Variants in PAK3 observed in about 807,000 individuals in gnomAD.
PAK3 encodes the protein p21 (RAC1) activated kinase 3.
Under a neutral mutation model 41.0 loss-of-function variants are expected in PAK3, and 4 were observed. That is an observed-to-expected ratio of 0.10 (90% confidence interval 0.05 to 0.22). The LOEUF (loss-of-function observed/expected upper bound fraction) is 0.22. Ranked by LOEUF, PAK3 falls within the 10% of genes least tolerant of loss-of-function variation. PAK3 has a pLI of 1.00. For missense variants in PAK3, 205 were observed against 409.9 expected (o/e 0.50, Z 4.32); for synonymous variants, 146 against 139.6 (o/e 1.05, Z -0.32).
At chrX:111,146,990 C>T in intron 6 of PAK3, among the ~76,000 whole-genome samples, 1 of 111,499 alleles carries the variant, frequency 9.0e-6, no homozygotes, top group Middle Eastern at 4.6e-3. Flanking sequence ...TATCACAAGG[C>T]TTTGTCGTGG....
At chrX:111,184,516 C>T (rs927245963) in intron 11 of PAK3, among the ~76,000 whole-genome samples, 2 of 109,653 alleles carry the variant, frequency 1.8e-5, no homozygotes, top group African/African-American at 6.7e-5. Context: ...CCATCATCTA[C>T]GTTAGGTATT....
chrX:110,950,753 C>G (rs2090727672), intron 1 of PAK3, among the ~76,000 whole-genome samples: 1 of 111,812 alleles, frequency 8.9e-6, no homozygotes, highest in Admixed American at 9.5e-5. Flanking sequence ...AATATTGGTG[C>G]AATGTACCTT....
At chrX:111,138,633 C>T (rs1246864408) in intron 5 of PAK3, among the ~76,000 whole-genome samples, 2 of 110,776 alleles carry the variant, frequency 1.8e-5, no homozygotes, top group African/African-American at 6.6e-5. Context: ...ACTTTCCAGG[C>T]ATAGGTATAG....
At chrX:111,050,357 A>G (rs746241016) in intron 1 of PAK3, among the ~76,000 whole-genome samples, 121 of 111,931 alleles carry the variant, frequency 1.1e-3, no homozygotes, top group Non-Finnish European at 1.1e-3. Context: ...CTTTTGGGGG[A>G]AAAAGCCTAG....
At chrX:111,113,642 A>C (rs1440402273) in intron 4 of PAK3, among the ~76,000 whole-genome samples, 1 of 111,545 alleles carries the variant, frequency 9.0e-6, no homozygotes. Context: ...ATTATACTTT[A>C]AGTTCTAGGG....
chrX:111,195,262 A>T (rs916417722), intron 14 of PAK3, among the ~76,000 whole-genome samples: 4 of 103,962 alleles, frequency 3.8e-5, no homozygotes, highest in South Asian at 7.7e-4. Context: ...TCCACCAAAC[A>T]TATATGTTTT....
At chrX:111,019,544 A>AC (rs1292022990) in intron 1 of PAK3, among the ~76,000 whole-genome samples, 1 of 106,055 alleles carries the variant, frequency 9.4e-6, no homozygotes, top group Non-Finnish European at 1.9e-5. Flanking sequence ...AAAAAAAAAA[A>AC]AAATTAGCCT....
chrX:111,012,334 A>G (rs942124352), intron 1 of PAK3, among the ~76,000 whole-genome samples: 2 of 111,940 alleles, frequency 1.8e-5, no homozygotes, highest in Admixed American at 1.9e-4. Context: ...ACGGTTGTAA[A>G]GAGTGGGCAT....
At chrX:111,009,993 A>C (rs763182516) in intron 1 of PAK3, among the ~76,000 whole-genome samples, 1 of 111,759 alleles carries the variant, frequency 8.9e-6, no homozygotes, top group South Asian at 3.8e-4. Context: ...TAACAGAAAA[A>C]AAAATATTCA....
intron 1 of PAK3, among the ~76,000 whole-genome samples, chrX:111,023,402 T>C (rs2092220122): frequency 8.9e-6 from 1 of 112,356 alleles, no homozygotes; most frequent in Non-Finnish European, 1.9e-5. Context: ...TTTGGGTATA[T>C]ACCCAGTAAT....
chrX:110,982,656 T>C (rs765606260), intron 1 of PAK3, among the ~76,000 whole-genome samples: 1 of 111,977 alleles, frequency 8.9e-6, no homozygotes, highest in Admixed American at 9.5e-5. Flanking sequence ...GACCATAGCA[T>C]GGCATCTTTT....
intron 1 of PAK3, among the ~76,000 whole-genome samples, chrX:111,031,405 A>G (rs775716972): frequency 8.3e-4 from 93 of 111,920 alleles, no homozygotes; most frequent in Non-Finnish European, 1.5e-3. Flanking sequence ...CTTTGAGCAG[A>G]AAACAGAAGC....
At chrX:111,180,682 A>G (rs2094453959) in intron 11 of PAK3, among the ~76,000 whole-genome samples, 1 of 111,564 alleles carries the variant, frequency 9.0e-6, no homozygotes, top group Non-Finnish European at 1.9e-5. Context: ...GTAACATACT[A>G]TATATCTCCT....
At chrX:111,031,103 C>T (rs1156864997) in intron 1 of PAK3, among the ~76,000 whole-genome samples, 2 of 112,205 alleles carry the variant, frequency 1.8e-5, no homozygotes, top group Middle Eastern at 4.7e-3. Context: ...CATATATATG[C>T]AAAACATATA....
chrX:111,030,583 A>G (rs1263705817), intron 1 of PAK3, among the ~76,000 whole-genome samples: 1 of 111,411 alleles, frequency 9.0e-6, no homozygotes, highest in Non-Finnish European at 1.9e-5. Flanking sequence ...GGATGGATGA[A>G]GGGATGTTGA....
intron 1 of PAK3, among the ~76,000 whole-genome samples, chrX:111,031,240 G>C (rs929833675): frequency 1.8e-5 from 2 of 111,813 alleles, no homozygotes; most frequent in African/African-American, 6.5e-5. Flanking sequence ...ATTGGAAGTA[G>C]GTAGAGAGAG....
intron 1 of PAK3, among the ~76,000 whole-genome samples, chrX:111,074,774 T>C (rs1288145113): frequency 8.9e-6 from 1 of 111,941 alleles, no homozygotes; most frequent in Non-Finnish European, 1.9e-5. Context: ...CATTAAATGG[T>C]TGTGACCAAA....
chrX:110,959,990 C>T (rs1194213743), intron 1 of PAK3, among the ~76,000 whole-genome samples: 3 of 112,055 alleles, frequency 2.7e-5, no homozygotes, highest in South Asian at 3.7e-4. Context: ...CTTTTGTCAA[C>T]TCTTGTCTTC....
In PAK3 at chrX:111,194,897, C is replaced by T. The variant is rs182491809; in HGVS notation, c.1110+479C>T. On this transcript the variant is annotated intron_variant, in intron 14 of 17. Transcript: ENST00000372007. ...CTTTCACAGTACAATCTGAACTTCC[C>T]TTACAGCCCCCAAGTGGGCCTGACG... Among the ~76,000 whole-genome samples the T allele has an allele frequency of 6.1e-3, 683 of 112,506 alleles. 9 individuals carry two copies. The highest frequency in any genetic ancestry group is 0.02 in the African/African-American group (635 of 31,016).
Sources: allele counts gnomAD v4.1 joint callset (sites outside exome capture counted in the v4.1 genomes callset), GRCh38; gene constraint gnomAD v4.1.1; transcripts MANE v1.5; gene names NCBI Gene and HGNC (gene_info 2026-07-23, HGNC 2026-07-21).